The following UNC13C variants were observed in gnomAD, a reference collection of about 807,000 sequenced individuals.
UNC13C encodes the protein protein unc-13 homolog C.
A neutral mutation model predicts 245.4 loss-of-function variants in UNC13C; 174 were observed. The ratio of observed to expected loss-of-function variants is 0.71; its 90% CI spans 0.63 to 0.80. The LOEUF (loss-of-function observed/expected upper bound fraction) is 0.80, where lower values mean the gene tolerates loss of function less well. UNC13C is among the 30% of genes least tolerant of loss of function. The pLI, the probability that UNC13C is intolerant of heterozygous loss-of-function variation, is 0.00. For synonymous variants in UNC13C, 992 were observed against 895.1 expected (o/e 1.11, Z -1.93); for missense variants, 2,829 against 2,602.9 (o/e 1.09, Z -1.89).
intron 17 of UNC13C, among the ~76,000 whole-genome samples, chr15:54,350,773 G>A (rs1409240203): frequency 1.3e-5 from 2 of 152,088 alleles, no homozygotes; most frequent in African/African-American, 2.4e-5. Context: ...GGAGTCAAGA[G>A]GTATAATCAA....
intron 2 of UNC13C, among the ~76,000 whole-genome samples, chr15:54,063,767 C>G (rs532228766): frequency 6.6e-6 from 1 of 152,220 alleles, no homozygotes; most frequent in Non-Finnish European, 1.5e-5. Context: ...TTCCACAAAT[C>G]TTTTTGGTGC....
At chr15:54,178,167 A>T (rs192069369) in intron 4 of UNC13C, among the ~76,000 whole-genome samples, 143 of 152,216 alleles carry the variant, frequency 9.4e-4, no homozygotes, top group African/African-American at 3.4e-3. Flanking sequence ...AATCTATACA[A>T]TCCTGTATTT....
At chr15:53,934,029 G>T in the UNC13C span, among the ~76,000 whole-genome samples, 5 of 152,182 alleles carry the variant, frequency 3.3e-5, no homozygotes, top group African/African-American at 9.7e-5. Flanking sequence ...TTCTGGTGAG[G>T]CCTCAGGAAG....
At chr15:53,998,891 G>T (rs750327652) in intron 1 of UNC13C, among the ~76,000 whole-genome samples, 2 of 151,436 alleles carry the variant, frequency 1.3e-5, no homozygotes, top group African/African-American at 4.9e-5. Flanking sequence ...CTTTTTTAAT[G>T]TGTTCAATTG....
chr15:54,219,589 A>C (rs62010025), intron 4 of UNC13C, among the ~76,000 whole-genome samples: 1 of 140,364 alleles, frequency 7.1e-6, no homozygotes, highest in Non-Finnish European at 1.5e-5. Context: ...AAAAGCCAAA[A>C]TTGACAAATG....
intron 19 of UNC13C, among the ~76,000 whole-genome samples, chr15:54,428,578 C>G (rs1267921498): frequency 6.6e-6 from 1 of 151,572 alleles, no homozygotes; most frequent in Non-Finnish European, 1.5e-5. Context: ...TGTTTCCCAC[C>G]TTAGACTGTA....
At chr15:54,551,155 T>G (rs1305100906) in intron 28 of UNC13C, among the ~76,000 whole-genome samples, 1 of 152,136 alleles carries the variant, frequency 6.6e-6, no homozygotes, top group African/African-American at 2.4e-5. Flanking sequence ...ACCCAGATAC[T>G]CACTGCCTCT....
intron 12 of UNC13C, among the ~76,000 whole-genome samples, chr15:54,299,468 C>A (rs1413988900): frequency 6.6e-6 from 1 of 152,094 alleles, no homozygotes; most frequent in Non-Finnish European, 1.5e-5. Context: ...TCATCCAGGG[C>A]ACTATAATTT....
intron 19 of UNC13C, among the ~76,000 whole-genome samples, chr15:54,467,103 C>G (rs1388597156): frequency 6.6e-6 from 1 of 151,750 alleles, no homozygotes; most frequent in Non-Finnish European, 1.5e-5. Flanking sequence ...TTTCTGGGCA[C>G]AAAACCATAT....
chr15:54,446,712 G>A (rs1277887729), intron 19 of UNC13C, among the ~76,000 whole-genome samples: 2 of 152,106 alleles, frequency 1.3e-5, no homozygotes, highest in Non-Finnish European at 2.9e-5. Flanking sequence ...GGGTTTTCTA[G>A]ATATACAATC....
intron 4 of UNC13C, among the ~76,000 whole-genome samples, chr15:54,168,547 A>C (rs1595938735): frequency 1.3e-5 from 2 of 152,168 alleles, no homozygotes; most frequent in East Asian, 1.9e-4. Context: ...GCAAAAGTGA[A>C]TCATTCTGTT....
the UNC13C span, chr15:53,947,895 C>G: frequency 6.6e-6 from 1 of 152,310 alleles, no homozygotes; most frequent in Non-Finnish European, 1.5e-5. Context: ...TGTGGTATCA[C>G]AATGACTTTG....
At chr15:54,471,077 A>C (rs980396310) in intron 19 of UNC13C, among the ~76,000 whole-genome samples, 2 of 151,488 alleles carry the variant, frequency 1.3e-5, no homozygotes, top group African/African-American at 4.8e-5. Context: ...AAGATACTTC[A>C]TATGATTTTG....
At chr15:54,179,159 C>A (rs983698600) in intron 4 of UNC13C, among the ~76,000 whole-genome samples, 3 of 152,054 alleles carry the variant, frequency 2.0e-5, no homozygotes, top group African/African-American at 7.2e-5. Flanking sequence ...ACCCATCTTA[C>A]AGAATTCAAC....
chr15:53,846,985 G>C, the UNC13C span, among the ~76,000 whole-genome samples: 6 of 152,046 alleles, frequency 3.9e-5, no homozygotes, highest in African/African-American at 1.4e-4. Flanking sequence ...TCAGCGCTGA[G>C]AATAGTTGTC....
At chr15:54,436,871 A>C (rs567446780) in intron 19 of UNC13C, among the ~76,000 whole-genome samples, 56 of 152,098 alleles carry the variant, frequency 3.7e-4, no homozygotes, top group African/African-American at 1.3e-3. Context: ...TAAAAGGAAT[A>C]GAAAAAATGC....
At chr15:54,528,563 C>G (rs573707394) in intron 25 of UNC13C, among the ~76,000 whole-genome samples, 1 of 151,400 alleles carries the variant, frequency 6.6e-6, no homozygotes, top group Non-Finnish European at 1.5e-5. Context: ...TATTTTTTCA[C>G]GTAATAGGAG....
intron 19 of UNC13C, among the ~76,000 whole-genome samples, chr15:54,421,576 G>A (rs1490670581): frequency 6.6e-6 from 1 of 152,016 alleles, no homozygotes; most frequent in Non-Finnish European, 1.5e-5. Flanking sequence ...AGCAATTCCT[G>A]TTTTGACAAA....
rs146553517 is a variant in UNC13C, at chr15:54,586,104, A to T, written c.6106+18157A>T. On this transcript the variant is annotated intron_variant, in intron 30 of 32. Coordinates refer to ENST00000260323, the MANE Select transcript of UNC13C (RefSeq NM_001080534.3). ...TGATGATTCCCTGGTCTTTGAGAAC[A>T]GTATCCTTGGGTCTTAAAACTAGCA... Among the ~76,000 whole-genome samples the T allele has an allele frequency of 4.3e-3, 658 of 152,332 alleles. 5 individuals carry two copies. Among genetic ancestry groups the T allele is most frequent in the African/African-American group, 0.015 (625 of 41,582 alleles).
Sources: gnomAD v4.1 joint callset for allele counts (sites outside exome capture counted in the v4.1 genomes callset) on GRCh38, gnomAD v4.1.1 for gene constraint, MANE v1.5 for transcripts, NCBI Gene and HGNC (gene_info 2026-07-23, HGNC 2026-07-21) for gene names.